The following CNTNAP2 variants were observed in gnomAD, a reference collection of about 807,000 sequenced individuals.
The protein encoded by CNTNAP2 is contactin-associated protein-like 2.
A neutral mutation model predicts 155.2 loss-of-function variants in CNTNAP2; 98 were observed. The ratio of observed to expected loss-of-function variants is 0.63; its 90% CI spans 0.54 to 0.75. The LOEUF (loss-of-function observed/expected upper bound fraction) is 0.75, where lower values mean the gene tolerates loss of function less well. Ranked by LOEUF, CNTNAP2 falls within the 30% of genes least tolerant of loss-of-function variation. The pLI is 0.00. For missense variants in CNTNAP2, 1,727 were observed against 1,688.1 expected (o/e 1.02, Z -0.40); for synonymous variants, 651 against 631.2 (o/e 1.03, Z -0.47).
chr7:146,439,342 G>T (rs1452859739), intron 1 of CNTNAP2, among the ~76,000 whole-genome samples: 1 of 2,036 alleles, frequency 4.9e-4, no homozygotes, highest in Non-Finnish European at 6.8e-4. Context: ...TCTTTGACAT[G>T]AAAACATTTC....
At chr7:148,415,270 A>T in intron 23 of CNTNAP2, 147 bp from the exon 24 acceptor site, 1 of 845,162 alleles carries the variant, frequency 1.2e-6, no homozygotes, top group Non-Finnish European at 1.9e-6. Flanking sequence ...CAGACATCTT[A>T]CTTCATTTTT....
At chr7:147,090,658 G>C (rs1363060301) in intron 4 of CNTNAP2, among the ~76,000 whole-genome samples, 1 of 152,088 alleles carries the variant, frequency 6.6e-6, no homozygotes, top group Non-Finnish European at 1.5e-5. Context: ...TGTTGTGTTA[G>C]ATTTTACTTC....
chr7:147,029,398 A>G (rs1043457826), intron 3 of CNTNAP2, among the ~76,000 whole-genome samples: 5 of 152,204 alleles, frequency 3.3e-5, no homozygotes, highest in Non-Finnish European at 7.3e-5. Context: ...TTTGATTTGA[A>G]AGAAGAAACA....
intron 10 of CNTNAP2, among the ~76,000 whole-genome samples, chr7:147,463,981 G>T (rs200697553): frequency 3.3e-5 from 2 of 59,948 alleles, no homozygotes; most frequent in South Asian, 5.7e-4. Flanking sequence ...AAAAAAAAAA[G>T]AGCTAGAGCC....
At chr7:148,179,774 GAAGAA>G (rs916872626) in intron 18 of CNTNAP2, among the ~76,000 whole-genome samples, 7 of 151,744 alleles carry the variant, frequency 4.6e-5, no homozygotes, top group African/African-American at 1.7e-4. Context: ...CAGAGAAAGA[GAAGAA>G]AAGAAAAGAA....
chr7:147,525,301 G>A (rs746357513), intron 11 of CNTNAP2, among the ~76,000 whole-genome samples: 1 of 152,176 alleles, frequency 6.6e-6, no homozygotes, highest in East Asian at 1.9e-4. Flanking sequence ...GTATAACAAA[G>A]ACAAGGAGAG....
At chr7:146,391,219 A>G (rs1224473288) in intron 1 of CNTNAP2, among the ~76,000 whole-genome samples, 3 of 151,324 alleles carry the variant, frequency 2.0e-5, no homozygotes, top group Non-Finnish European at 2.9e-5. Context: ...TTCTTGATTG[A>G]TCCTGGGACG....
intron 1 of CNTNAP2, among the ~76,000 whole-genome samples, chr7:146,586,053 A>G (rs1324733734): frequency 6.6e-6 from 1 of 151,736 alleles, no homozygotes; most frequent in Non-Finnish European, 1.5e-5. Flanking sequence ...AACAAAGCAA[A>G]ATTACAAGCT....
intron 3 of CNTNAP2, among the ~76,000 whole-genome samples, chr7:146,977,717 T>C (rs1344053826): frequency 6.6e-6 from 1 of 152,224 alleles, no homozygotes; most frequent in Non-Finnish European, 1.5e-5. Context: ...TTTATAATTT[T>C]TAAATTTATG....
intron 8 of CNTNAP2, among the ~76,000 whole-genome samples, chr7:147,255,233 A>T (rs1047032922): frequency 6.6e-6 from 1 of 152,154 alleles, no homozygotes; most frequent in Non-Finnish European, 1.5e-5. Flanking sequence ...ACACACACAC[A>T]CACAAACACA....
intron 3 of CNTNAP2, among the ~76,000 whole-genome samples, chr7:146,874,167 G>A (rs1176938002): frequency 6.6e-6 from 1 of 151,940 alleles, no homozygotes; most frequent in Non-Finnish European, 1.5e-5. Context: ...CCAGGAAATA[G>A]GAACTTGTAT....
chr7:147,104,030 A>G (rs1800705766), intron 4 of CNTNAP2, among the ~76,000 whole-genome samples: 2 of 152,092 alleles, frequency 1.3e-5, no homozygotes, highest in African/African-American at 4.8e-5. Flanking sequence ...AAAAAGTATT[A>G]GTGAAACCCT....
At chr7:148,126,671 CAA>C (rs145725037) in intron 16 of CNTNAP2, among the ~76,000 whole-genome samples, 245 of 152,242 alleles carry the variant, frequency 1.6e-3, no homozygotes, top group African/African-American at 5.1e-3. Flanking sequence ...ATGGTGAAGA[CAA>C]GAGGTGAAAT....
chr7:146,295,371 G>T (rs546948583), intron 1 of CNTNAP2, among the ~76,000 whole-genome samples: 1 of 152,186 alleles, frequency 6.6e-6, no homozygotes, highest in African/African-American at 2.4e-5. Flanking sequence ...CATGTATTCA[G>T]GGTACAGGTG....
Position 148,152,865 on chromosome 7 carries a change from A to C in CNTNAP2, c.2773+5156A>C, listed in dbSNP as rs1805324479. On this transcript the variant is annotated intron_variant, in intron 17 of 23. Transcript: ENST00000361727. ...GAAACCCCGTCTCTACTAAAAATAC[A>C]AAAAAATTAGCCAGGTGTAGTGGCA... Among the ~76,000 whole-genome samples the C allele has an allele frequency of 5.3e-5, 8 of 151,890 alleles. No individual in the cohort carries two copies. In the South Asian group the frequency reaches 1.7e-3, roughly 32 times the overall value.
At chr7:146,331,320 A>G (rs549438518) in intron 1 of CNTNAP2, among the ~76,000 whole-genome samples, 2 of 143,672 alleles carry the variant, frequency 1.4e-5, no homozygotes, top group African/African-American at 2.7e-5. Flanking sequence ...AAAAAAAATA[A>G]AAATAACCAA....
chr7:146,788,065 T>G (rs946223186), intron 2 of CNTNAP2, among the ~76,000 whole-genome samples: 1 of 151,730 alleles, frequency 6.6e-6, no homozygotes, highest in Non-Finnish European at 1.5e-5. Context: ...TGGCTTCACC[T>G]CTCAATGGCA....
intron 10 of CNTNAP2, among the ~76,000 whole-genome samples, chr7:147,465,526 A>G (rs1241328280): frequency 6.6e-6 from 1 of 152,224 alleles, no homozygotes; most frequent in Non-Finnish European, 1.5e-5. Context: ...ATTTGACTTC[A>G]TATCTTGGCT....
chr7:146,803,818 T>A (rs1181886024), intron 2 of CNTNAP2, among the ~76,000 whole-genome samples: 1 of 152,230 alleles, frequency 6.6e-6, no homozygotes, highest in Non-Finnish European at 1.5e-5. Flanking sequence ...TATAGTTTTA[T>A]GTGCGCTGCA....
Sources: gnomAD v4.1 joint callset for allele counts (sites outside exome capture counted in the v4.1 genomes callset) on GRCh38, gnomAD v4.1.1 for gene constraint, MANE v1.5 for transcripts, NCBI Gene and HGNC (gene_info 2026-07-23, HGNC 2026-07-21) for gene names.